RASA3: variants seen among roughly 807,000 people sequenced by gnomAD.
RASA3 encodes RAS p21 protein activator 3, also known as ras GTPase-activating protein 3.
RASA3 carries 73 observed loss-of-function variants against 110.0 expected under a neutral mutation model. That is an observed-to-expected ratio of 0.66 (90% CI 0.55 to 0.81). The LOEUF (loss-of-function observed/expected upper bound fraction) is 0.81, where lower values mean the gene tolerates loss of function less well. Ranked by LOEUF, RASA3 falls within the 30% of genes least tolerant of loss-of-function variation. The probability of loss-of-function intolerance (pLI) is 0.00; values close to 1 mark genes in which losing one functional copy is unlikely to be tolerated. For missense variants in RASA3, 976 were observed against 1,113.2 expected (o/e 0.88, Z 1.75); for synonymous variants, 500 against 451.4 (o/e 1.11, Z -1.37).
At chr13:114,039,020 C>G (rs926524833) in intron 4 of RASA3, among the ~76,000 whole-genome samples, 1 of 152,246 alleles carries the variant, frequency 6.6e-6, no homozygotes, top group Non-Finnish European at 1.5e-5. Context: ...GTGGCACACA[C>G]GCCATACCAG....
chr13:114,125,212 C>G (rs1238103030), intron 1 of RASA3, among the ~76,000 whole-genome samples: 3 of 152,212 alleles, frequency 2.0e-5, no homozygotes, highest in Non-Finnish European at 4.4e-5. Flanking sequence ...ATGCACATGA[C>G]ATAATCACCG....
At chr13:114,030,418 A>ACTCACACAGAGGGCAAGG (rs1338332130) in intron 4 of RASA3, among the ~76,000 whole-genome samples, 4 of 77,106 alleles carry the variant, frequency 5.2e-5, no homozygotes, top group African/African-American at 8.0e-5. Context: ...AGAGAGCAAG[A>ACTCACACAGAGGGCAAGG]CTCACACAGA....
chr13:114,034,145 G>A (rs144434384), intron 4 of RASA3, among the ~76,000 whole-genome samples: 3,325 of 151,710 alleles, frequency 0.022, 86 homozygotes, highest in South Asian at 0.058. Context: ...AACACCAGCC[G>A]GGCACTGGGC....
At chr13:114,069,175 A>G (rs915572297) in intron 2 of RASA3, among the ~76,000 whole-genome samples, 1 of 152,034 alleles carries the variant, frequency 6.6e-6, no homozygotes, top group South Asian at 2.1e-4. Context: ...TTCCTCACAC[A>G]TTCCATTTGC....
At position 114,052,203 on chromosome 13, in the gene RASA3, G is replaced by C. The variant is rs140548574; in HGVS notation, c.174-48C>G. On this transcript the variant is annotated intron_variant, in intron 2 of 23. Transcript: ENST00000334062. ...CAGTTAGAACACAGGCCACGCTTGC[G>C]CCTCACCCCCGGGGCACACACGTGT... 9.3e-4 allele frequency: 1,241 copies of C among 1,329,254 alleles called. 14 individuals are homozygous for C. The East Asian group carries it at 0.024, about 26-fold the overall frequency. 82.3% of individuals were successfully genotyped at this position (1,329,254 alleles called of 1,614,324 possible).
chr13:113,993,845 A>G (rs563658858), intron 21 of RASA3, among the ~76,000 whole-genome samples: 1 of 151,628 alleles, frequency 6.6e-6, no homozygotes, highest in South Asian at 2.1e-4. Context: ...AAGAAAAGAA[A>G]ATCTACATTG....
rs116152134 is a variant in RASA3 at position 114,022,371 on chromosome 13, C to T, written c.681-863G>A. On this transcript the variant is annotated intron_variant, in intron 8 of 23. Coordinates refer to ENST00000334062, the MANE Select transcript of RASA3 (RefSeq NM_007368.4). ...TAACCCAGTCCCTCATGGCCAGGAC[C>T]CACTCATAGGCCTGAAACACCTGAA... 8.2e-3 allele frequency among the ~76,000 whole-genome samples: 1,247 copies of T among 152,302 alleles called. 23 individuals are homozygous for T. The highest frequency in any genetic ancestry group is 0.028 in the African/African-American group (1,173 of 41,560).
intron 12 of RASA3, 72 bp downstream of exon 12, chr13:114,017,165 G>T (rs1221566473): frequency 2.2e-6 from 3 of 1,379,556 alleles, no homozygotes; most frequent in African/African-American, 1.4e-5. Context: ...CTGGATCCCA[G>T]TGCAGTGCCC....
rs1053571742 is a variant in RASA3, at chr13:114,022,345, G to A, written c.681-837C>T. On this transcript the variant is annotated intron_variant, in intron 8 of 23. Coordinates refer to ENST00000334062, the MANE Select transcript of RASA3 (RefSeq NM_007368.4). ...CGGCTGCAACAAGTCTACAGGGCTG[G>A]TAACCCAGTCCCTCATGGCCAGGAC... Among the ~76,000 whole-genome samples the A allele has an allele frequency of 7.9e-5, 12 of 152,166 alleles. No homozygotes were observed. The South Asian group carries it at 2.3e-3, about 29-fold the overall frequency.
At chr13:114,066,910 C>A in intron 2 of RASA3, among the ~76,000 whole-genome samples, 1 of 149,344 alleles carries the variant, frequency 6.7e-6, no homozygotes, top group Non-Finnish European at 1.5e-5. Flanking sequence ...GGGCCCCCAC[C>A]TGGGCTGAGG....
At chr13:114,101,571 G>A (rs888475947) in intron 1 of RASA3, among the ~76,000 whole-genome samples, 7 of 152,238 alleles carry the variant, frequency 4.6e-5, no homozygotes, top group Non-Finnish European at 7.3e-5. Context: ...ACTGCACGCC[G>A]GAGATCCGGG....
intron 1 of RASA3, 31 bp downstream of exon 1, chr13:114,132,404 G>A (rs1377974241): frequency 9.3e-6 from 14 of 1,502,474 alleles, no homozygotes; most frequent in South Asian, 6.2e-5. Context: ...GGGCCGGGGG[G>A]TCGGACGCGT....
intron 7 of RASA3, among the ~76,000 whole-genome samples, chr13:114,025,738 G>A (rs769839228): frequency 1.3e-5 from 2 of 152,268 alleles, no homozygotes; most frequent in African/African-American, 2.4e-5. Context: ...AATGTGTCTA[G>A]TTGTTATCCT....
chr13:114,078,067 C>T (rs1483829251), intron 1 of RASA3: 1 of 906,796 alleles, frequency 1.1e-6, no homozygotes, highest in Non-Finnish European at 1.3e-6. Context: ...CTGCTGGACG[C>T]ACCAACATCC....
intron 1 of RASA3, among the ~76,000 whole-genome samples, chr13:114,078,871 G>A (rs1317303731): frequency 1.3e-5 from 2 of 152,160 alleles, no homozygotes; most frequent in East Asian, 1.9e-4. Context: ...GCGAGCTGTC[G>A]GGGCTGCCCG....
chr13:114,026,207 C>T (rs561711861), intron 7 of RASA3, among the ~76,000 whole-genome samples: 5 of 152,336 alleles, frequency 3.3e-5, no homozygotes, highest in South Asian at 4.1e-4. Flanking sequence ...GGGCAGTGGG[C>T]GAGCTCTACC....
chr13:114,013,741 GCTCT>G (rs68147196), intron 14 of RASA3, among the ~76,000 whole-genome samples: 69,901 of 93,248 alleles, frequency 0.75, 24,340 homozygotes, highest in Middle Eastern at 0.86. Context: ...TCTGTCTCTG[GCTCT>G]CTCTCTCTCT....
chr13:114,019,028 C>T lies in RASA3; in HGVS notation c.786-109G>A, dbSNP rs186936928. The T allele has an allele frequency of 2.8e-3, 3,783 of 1,366,612 alleles. 24 individuals carry two copies. The highest frequency in any genetic ancestry group is 2.2e-3 in the Non-Finnish European group (2,177 of 986,812). The allele number at this position is 1,366,612 out of a possible 1,614,324, so 84.7% of individuals were successfully genotyped here. A position where few individuals can be genotyped will look rare whatever the true frequency, so the allele number is the denominator to read the frequency against. ...GAGGTCGACTGGTCAGGAGGGTGAT[C>T]CTGTAGGACCCCTCAGAGTGCAGCC... On this transcript the variant is annotated intron_variant, in intron 9 of 23. Transcript: ENST00000334062.
chr13:113,996,827 G>A (rs955541487), intron 20 of RASA3, 88 bp from the exon 21 acceptor site: 7 of 1,221,062 alleles, frequency 5.7e-6, no homozygotes, highest in East Asian at 2.3e-5. Flanking sequence ...GGCCGTCCTC[G>A]CCGGAGTCGT....
Sources: allele counts gnomAD v4.1 joint callset (sites outside exome capture counted in the v4.1 genomes callset), GRCh38; gene constraint gnomAD v4.1.1; transcripts MANE v1.5; gene names NCBI Gene and HGNC (gene_info 2026-07-23, HGNC 2026-07-21).